Variants in CACNA1B observed in about 807,000 individuals in gnomAD.
CACNA1B encodes calcium voltage-gated channel subunit alpha1 B.
A neutral mutation model predicts 247.2 loss-of-function variants in CACNA1B; 70 were observed. The observed-to-expected ratio is 0.28, with a 90% CI of 0.23 to 0.35. The LOEUF (loss-of-function observed/expected upper bound fraction) is 0.35, where lower values mean the gene tolerates loss of function less well. Among genes scored for constraint, CACNA1B ranks in the 10% least tolerant of loss-of-function variants. The pLI is 1.00. For synonymous variants in CACNA1B, 1,231 were observed against 1,294.4 expected, an observed-to-expected ratio of 0.95 and a Z score of 1.05; for missense variants, 2,367 against 3,197.4, an observed-to-expected ratio of 0.74 and a Z score of 6.26.
Position 138,023,333 on chromosome 9 carries a change from G to C in CACNA1B, c.2590G>C (p.Gly864Arg). Reference protein sequence around the residue: ...HRDKDKTPAAGDQDRAEAPKA... With the variant: ...HRDKDKTPAARDQDRAEAPKA... ...CGACAAGGACAAGACCCCCGCGGCG[G>C]GGGACCAGGACCGAGCAGAGGCCCC... The change falls in exon 19 of 47, where the codon GGG (glycine) becomes CGG (arginine). Residue 864 changes from glycine to arginine, a missense_variant. By Grantham distance (125) the Gly-to-Arg change is moderately radical. Around this residue, in one of 12 missense-constraint regions of CACNA1B, gnomAD observed 631 missense variants for 631.1 expected, o/e 1.00. Coordinates refer to ENST00000371372, the MANE Select transcript of CACNA1B (RefSeq NM_000718.4). The C allele has an allele frequency of 6.7e-7, 1 of 1,503,440 alleles. No individual in the cohort carries two copies. Among genetic ancestry groups the C allele is most frequent in the Non-Finnish European group, 8.8e-7 (1 of 1,134,618 alleles). 93.1% of individuals were successfully genotyped at this position (1,503,440 alleles called of 1,614,324 possible).
intron 36 of CACNA1B, among the ~76,000 whole-genome samples, chr9:138,091,393 G>A (rs1179279795): frequency 6.6e-6 from 1 of 152,220 alleles, no homozygotes; most frequent in Non-Finnish European, 1.5e-5. Context: ...GGAAGGTTAG[G>A]AGGATGGGGG....
chr9:138,047,513 A>G (rs1959194418), intron 23 of CACNA1B, 55 bp downstream of exon 23: 3 of 1,260,052 alleles, frequency 2.4e-6, no homozygotes, highest in South Asian at 2.4e-5. Flanking sequence ...CTCCCTCATG[A>G]TTGAGATGGG....
At chr9:138,022,377 G>A (rs989739890) in intron 18 of CACNA1B, among the ~76,000 whole-genome samples, 11 of 152,212 alleles carry the variant, frequency 7.2e-5, no homozygotes, top group African/African-American at 2.4e-4. Context: ...GAGGCTCTGC[G>A]TTTGCTCCTG....
At chr9:137,980,696 A>G (rs911357679) in intron 12 of CACNA1B, among the ~76,000 whole-genome samples, 10 of 151,932 alleles carry the variant, frequency 6.6e-5, no homozygotes, top group African/African-American at 1.7e-4. Flanking sequence ...CCCACTGTCT[A>G]TTGTTCCCTT....
At position 138,052,417 on chromosome 9, in the gene CACNA1B, G is replaced by A. The variant is rs1176555003; in HGVS notation, c.3807+229G>A. Among the ~76,000 whole-genome samples, 1 of 152,146 alleles carries A rather than the reference G, an allele frequency of 6.6e-6. No homozygotes were observed. Among genetic ancestry groups the A allele is most frequent in the Non-Finnish European group, 1.5e-5 (1 of 68,038 alleles). ...CTCCTTAGCCCAGCAGGACCAGGCGGCACAGGGTTTTTCTTCAGCAGCTGC... is the reference window on the plus strand; with the variant it reads ...CTCCTTAGCCCAGCAGGACCAGGCGACACAGGGTTTTTCTTCAGCAGCTGC... On this transcript the variant is annotated intron_variant, in intron 25 of 46. Coordinates refer to ENST00000371372, the MANE Select transcript of CACNA1B (RefSeq NM_000718.4). This position sits in a 1 kb window ranked among gnomAD's most constrained non-coding sequence, Gnocchi z 5.1.
intron 31 of CACNA1B, chr9:138,068,577 G>A (rs1279471664): frequency 7.7e-6 from 4 of 518,530 alleles, no homozygotes; most frequent in Admixed American, 1.9e-5. Flanking sequence ...CAGGTGGGCT[G>A]CATTGCTGAT....
At chr9:137,956,514 C>T (rs867909386) in intron 8 of CACNA1B, among the ~76,000 whole-genome samples, 5 of 152,068 alleles carry the variant, frequency 3.3e-5, no homozygotes, top group African/African-American at 4.8e-5. Context: ...AAAAATTAGC[C>T]GGGCATGGTA....
intron 6 of CACNA1B, among the ~76,000 whole-genome samples, chr9:137,920,653 G>A (rs954887281): frequency 2.6e-5 from 4 of 152,222 alleles, no homozygotes; most frequent in African/African-American, 4.8e-5. Flanking sequence ...GTTTGGAGGC[G>A]CAGTGGAGGT....
intron 15 of CACNA1B, among the ~76,000 whole-genome samples, chr9:138,006,229 T>A (rs1186114902): frequency 6.6e-6 from 1 of 152,102 alleles, no homozygotes; most frequent in Non-Finnish European, 1.5e-5. Context: ...TTTATTTTCT[T>A]GTATGTTTCC....
intron 6 of CACNA1B, among the ~76,000 whole-genome samples, chr9:137,946,102 G>A (rs1376598514): frequency 6.6e-6 from 1 of 152,128 alleles, no homozygotes; most frequent in African/African-American, 2.4e-5. Context: ...TTACAGGTGT[G>A]AGCCACTGCA....
At chr9:137,889,068 G>A (rs1322916631) in intron 3 of CACNA1B, among the ~76,000 whole-genome samples, 4 of 149,986 alleles carry the variant, frequency 2.7e-5, no homozygotes, top group African/African-American at 4.8e-5. Flanking sequence ...GCGACCTGAC[G>A]CTGTGTCTGA....
chr9:138,059,930 A>G lies in CACNA1B; in HGVS notation c.4668+193A>G, dbSNP rs1408357430. Among the ~76,000 whole-genome samples the G allele has an allele frequency of 1.3e-5, 2 of 152,190 alleles. No individual in the cohort carries two copies. The highest frequency in any genetic ancestry group is 3.8e-4 in the East Asian group (2 of 5,198). ...TACCTCAGCAGATGTTCTTTCTTGA[A>G]TAAGAAAGTGGTTCTCAAAGATCTT... On this transcript the variant is annotated intron_variant, in intron 31 of 46. Coordinates refer to ENST00000371372, the MANE Select transcript of CACNA1B (RefSeq NM_000718.4). This position sits in a 1 kb window ranked among gnomAD's most constrained non-coding sequence, Gnocchi z 4.2.
chr9:138,105,091 C>T (rs1005131548), intron 38 of CACNA1B, among the ~76,000 whole-genome samples: 22 of 152,250 alleles, frequency 1.4e-4, no homozygotes, highest in African/African-American at 5.3e-4. Flanking sequence ...GCAGGAGCTG[C>T]CTTGCGCAGA....
chr9:138,016,206 T>C (rs941678353), intron 18 of CACNA1B, among the ~76,000 whole-genome samples: 1 of 152,108 alleles, frequency 6.6e-6, no homozygotes, highest in African/African-American at 2.4e-5. Flanking sequence ...ACACACCCTC[T>C]CACACACATG....
Position 137,973,198 on chromosome 9 carries a change from C to T in CACNA1B, c.1543+1606C>T, listed in dbSNP as rs896007298. 3.3e-5 allele frequency among the ~76,000 whole-genome samples: 5 copies of T among 152,152 alleles called. No homozygotes were observed. Among genetic ancestry groups the T allele is most frequent in the African/African-American group, 1.2e-4 (5 of 41,422 alleles). On this transcript the variant is annotated intron_variant, in intron 11 of 46. Coordinates refer to ENST00000371372, the MANE Select transcript of CACNA1B (RefSeq NM_000718.4). The surrounding 1 kb of genome is among the most constrained non-coding windows in gnomAD (Gnocchi z 4.1). ...TGGTGAGGCCACAGGCATCCCTGAC[C>T]GTAGACCGCTACTGTGTCTTCTCTG... is the stretch of plus-strand genomic sequence containing the variant.
intron 3 of CACNA1B, chr9:137,890,188 A>G (rs1957077584): frequency 6.7e-6 from 1 of 150,076 alleles, no homozygotes; most frequent in African/African-American, 2.4e-5. Flanking sequence ...GCATCGGGCC[A>G]GCGTTGCAGA....
chr9:137,970,958 C>T (rs1250890345), intron 10 of CACNA1B, among the ~76,000 whole-genome samples: 1 of 152,050 alleles, frequency 6.6e-6, no homozygotes, highest in Non-Finnish European at 1.5e-5. Flanking sequence ...GTCCGGAGGG[C>T]GAGAGAGGGA....
chr9:138,077,442 T>A lies in CACNA1B; in HGVS notation c.4950-672T>A, dbSNP rs56938035. Among the ~76,000 whole-genome samples, 245 of 151,762 alleles carry A rather than the reference T, an allele frequency of 1.6e-3. 6 individuals carry two copies. The East Asian group carries it at 0.037, about 23-fold the overall frequency. Reference sequence around the variant, plus strand: ...GATGGGGGTGAAGTCAGGGAAAGAGTGGGCAGCAGGTCCCACAGTGCTATG... The same window carrying A: ...GATGGGGGTGAAGTCAGGGAAAGAGAGGGCAGCAGGTCCCACAGTGCTATG... On this transcript the variant is annotated intron_variant, in intron 35 of 46. Coordinates refer to ENST00000371372, the MANE Select transcript of CACNA1B (RefSeq NM_000718.4).
At position 137,986,600 on chromosome 9, in the gene CACNA1B, T is replaced by A; in HGVS notation, c.1901+56T>A. On this transcript the variant is annotated intron_variant, in intron 14 of 46. Coordinates refer to ENST00000371372, the MANE Select transcript of CACNA1B (RefSeq NM_000718.4). The surrounding 1 kb of genome is among the most constrained non-coding windows in gnomAD (Gnocchi z 6.0). The stretch of plus-strand genomic sequence containing the variant: ...CTGGGGGCTTGCAGGGAAGCAGAGC[T>A]CAGAGCAGACGGTGCCGCCCAGGCT... The A allele has an allele frequency of 6.2e-7, 1 of 1,604,466 alleles. No individual in the cohort carries two copies. Among genetic ancestry groups the A allele is most frequent in the Non-Finnish European group, 8.5e-7 (1 of 1,172,824 alleles).
Sources: allele counts gnomAD v4.1 joint callset (sites outside exome capture counted in the v4.1 genomes callset), GRCh38; gene constraint gnomAD v4.1.1; regional missense constraint gnomAD v4.1.1; non-coding constraint Gnocchi (gnomAD v3.1); transcripts MANE v1.5; gene names NCBI Gene and HGNC (gene_info 2026-07-23, HGNC 2026-07-21).